Variants in CRTAC1 observed in about 807,000 individuals in gnomAD.
CRTAC1 encodes the protein acidic secreted protein in cartilage.
Under a neutral mutation model 67.8 loss-of-function variants are expected in CRTAC1, and 37 were observed. The ratio of observed to expected loss-of-function variants is 0.55; its 90% confidence interval spans 0.42 to 0.72. The LOEUF (loss-of-function observed/expected upper bound fraction) is 0.72, where lower values mean the gene tolerates loss of function less well. CRTAC1 is among the 30% of genes least tolerant of loss of function. The pLI, the probability that CRTAC1 is intolerant of heterozygous loss-of-function variation, is 0.00. For missense variants in CRTAC1, 780 were observed against 931.6 expected (o/e 0.84, Z 2.12); for synonymous variants, 348 against 371.0 (o/e 0.94, Z 0.71).
chr10:97,895,472 C>G lies in CRTAC1; in HGVS notation c.1318-59G>C. 6.9e-7 allele frequency: 1 copy of G among 1,442,844 alleles called. No homozygotes were observed. The highest frequency in any genetic ancestry group is 9.3e-7 in the Non-Finnish European group (1 of 1,071,356). 89.4% of individuals were successfully genotyped at this position (1,442,844 alleles called of 1,614,324 possible). ...GCATCAGCATGGTGGGTGGGAAGAG[C>G]AGGGAGCCAGGGAGGACGGGAGGGG... On this transcript the variant is annotated intron_variant, in intron 10 of 14. Coordinates refer to ENST00000370597, the MANE Select transcript of CRTAC1 (RefSeq NM_018058.7). This position sits in a 1 kb window ranked among gnomAD's most constrained non-coding sequence, Gnocchi z 4.2.
At chr10:97,879,622 G>A (rs2050185321) in intron 14 of CRTAC1, 3 of 1,523,496 alleles carry the variant, frequency 2.0e-6, no homozygotes, top group East Asian at 2.5e-5. Flanking sequence ...CAGCAGGAGA[G>A]AGATTTAGTT....
chr10:97,917,516 C>G lies in CRTAC1; in HGVS notation c.699G>C (p.Gly233=). ...TCTGCATACCTGTATATTTGCTGAC[C>G]CCAGCCTCAGCAGCCACATCTCTGA... ...LALRDVAAEA[G]VSKYTGGRGV... Residue 233 remains glycine, a synonymous_variant, in exon 5 of 15, where the codon GGG becomes GGC. Transcript: ENST00000370597. The G allele has an allele frequency of 6.3e-7, 1 of 1,583,660 alleles. No individual in the cohort carries two copies. Among genetic ancestry groups the G allele is most frequent in the Non-Finnish European group, 8.6e-7 (1 of 1,160,660 alleles).
chr10:97,990,027 A>C (rs891598272), intron 2 of CRTAC1, among the ~76,000 whole-genome samples: 3 of 152,220 alleles, frequency 2.0e-5, no homozygotes, highest in Admixed American at 6.5e-5. Context: ...ATGACAGTAC[A>C]TAAGCATATA....
At chr10:97,882,701 C>T (rs1564875942) in intron 13 of CRTAC1, 85 bp downstream of exon 13, 4 of 1,476,604 alleles carry the variant, frequency 2.7e-6, no homozygotes, top group East Asian at 2.3e-5. Context: ...TTGCTTGCAC[C>T]CTGGACCTTG....
chr10:97,881,158 T>C (rs1415691653), intron 13 of CRTAC1, among the ~76,000 whole-genome samples: 1 of 152,192 alleles, frequency 6.6e-6, no homozygotes, highest in African/African-American at 2.4e-5. Flanking sequence ...TCACATCATG[T>C]CACTCCCCAG....
intron 2 of CRTAC1, among the ~76,000 whole-genome samples, chr10:97,943,416 T>C (rs1016986790): frequency 3.9e-5 from 6 of 152,244 alleles, no homozygotes; most frequent in South Asian, 4.1e-4. Flanking sequence ...CTCGAAGTCA[T>C]GGACACATCA....
At chr10:97,958,693 G>A (rs983653088) in intron 2 of CRTAC1, among the ~76,000 whole-genome samples, 32 of 152,268 alleles carry the variant, frequency 2.1e-4, no homozygotes, top group African/African-American at 7.2e-4. Context: ...AAAGGAAAGG[G>A]TGACTGGCTG....
chr10:97,959,826 T>C (rs182705981), intron 2 of CRTAC1, among the ~76,000 whole-genome samples: 7 of 152,306 alleles, frequency 4.6e-5, no homozygotes, highest in Admixed American at 2.0e-4. Flanking sequence ...GCCTTCCCTA[T>C]TGAGGTTAAT....
chr10:98,014,791 CAG>C (rs1842965735), intron 1 of CRTAC1, among the ~76,000 whole-genome samples: 1 of 152,070 alleles, frequency 6.6e-6, no homozygotes, highest in Non-Finnish European at 1.5e-5. Context: ...AAAACAAAAA[CAG>C]AAAAAAAGTG....
At chr10:98,013,362 T>C (rs1208617287) in intron 1 of CRTAC1, among the ~76,000 whole-genome samples, 3 of 152,248 alleles carry the variant, frequency 2.0e-5, no homozygotes, top group Non-Finnish European at 4.4e-5. Flanking sequence ...AATATGAGCC[T>C]AAAAGTTCTA....
At chr10:97,901,306 C>T (rs2136565369) in intron 8 of CRTAC1, among the ~76,000 whole-genome samples, 197 bp downstream of exon 8, 1 of 152,336 alleles carries the variant, frequency 6.6e-6, no homozygotes, top group Middle Eastern at 3.4e-3. Flanking sequence ...CCAGGCTTTG[C>T]CCTGCATTCC....
At chr10:97,926,761 G>A (rs766683111) in intron 3 of CRTAC1, among the ~76,000 whole-genome samples, 19 of 152,282 alleles carry the variant, frequency 1.2e-4, no homozygotes, top group African/African-American at 2.2e-4. Context: ...GTGTTCAGAG[G>A]GTTCTGGATT....
intron 2 of CRTAC1, among the ~76,000 whole-genome samples, chr10:97,970,676 CCTTAGCA>C (rs2051693889): frequency 6.6e-6 from 1 of 152,228 alleles, no homozygotes; most frequent in Admixed American, 6.5e-5. Context: ...TAACTTTTCT[CCTTAGCA>C]CTTATGCCAT....
chr10:97,891,128 T>C (rs948588255), intron 11 of CRTAC1, among the ~76,000 whole-genome samples: 2 of 152,248 alleles, frequency 1.3e-5, no homozygotes, highest in African/African-American at 2.4e-5. Flanking sequence ...TCAGTAAATA[T>C]GTAGTCACTA....
chr10:97,970,720 T>C (rs1298618590), intron 2 of CRTAC1, among the ~76,000 whole-genome samples: 1 of 152,230 alleles, frequency 6.6e-6, no homozygotes, highest in Non-Finnish European at 1.5e-5. Flanking sequence ...TTTTGTAACA[T>C]CTTTCTCCCT....
chr10:97,992,399 C>T (rs1402742679), intron 2 of CRTAC1, among the ~76,000 whole-genome samples: 1 of 152,122 alleles, frequency 6.6e-6, no homozygotes, highest in African/African-American at 2.4e-5. Flanking sequence ...TCCTCAAAAA[C>T]TTAAAAATAG....
At chr10:97,959,818 C>T (rs933703065) in intron 2 of CRTAC1, among the ~76,000 whole-genome samples, 2 of 152,226 alleles carry the variant, frequency 1.3e-5, no homozygotes, top group Non-Finnish European at 2.9e-5. Context: ...AACCAGGTGC[C>T]TTCCCTATTG....
At chr10:97,926,756 C>T (rs1398281674) in intron 3 of CRTAC1, among the ~76,000 whole-genome samples, 1 of 152,160 alleles carries the variant, frequency 6.6e-6, no homozygotes, top group Non-Finnish European at 1.5e-5. Flanking sequence ...TTGAAGTGTT[C>T]AGAGGGTTCT....
intron 2 of CRTAC1, among the ~76,000 whole-genome samples, chr10:97,980,700 T>A (rs1055639554): frequency 2.6e-5 from 4 of 152,196 alleles, no homozygotes; most frequent in African/African-American, 9.7e-5. Context: ...CGGAGGCACC[T>A]ATGCACCAGA....
Sources: gnomAD v4.1 joint callset for allele counts (sites outside exome capture counted in the v4.1 genomes callset) on GRCh38, gnomAD v4.1.1 for gene constraint, Gnocchi (gnomAD v3.1) non-coding constraint, MANE v1.5 for transcripts, NCBI Gene and HGNC (gene_info 2026-07-23, HGNC 2026-07-21) for gene names.